Variants in ABHD2 observed in about 807,000 individuals in gnomAD.
ABHD2 encodes abhydrolase domain containing 2, acylglycerol lipase.
In ABHD2, 20 loss-of-function variants were observed where a neutral mutation model predicts 48.1. The observed-to-expected ratio is 0.42, with a 90% CI of 0.29 to 0.60. The LOEUF is 0.60. Among genes scored for constraint, ABHD2 ranks in the 20% least tolerant of loss-of-function variants. ABHD2 has a pLI of 0.24. For missense variants in ABHD2, 405 were observed against 550.9 expected, an observed-to-expected ratio of 0.74 and a Z score of 2.65; for synonymous variants, 209 against 214.2, an observed-to-expected ratio of 0.98 and a Z score of 0.21.
the ABHD2 span, among the ~76,000 whole-genome samples, chr15:89,062,212 G>C: frequency 6.6e-6 from 1 of 152,126 alleles, no homozygotes; most frequent in Non-Finnish European, 1.5e-5. Context: ...CTGATATCCA[G>C]GAAAAAGCAG....
chr15:89,181,228 CAAAAAAAAAA>C (rs61411388), intron 6 of ABHD2, among the ~76,000 whole-genome samples: 11 of 69,164 alleles, frequency 1.6e-4, no homozygotes, highest in Admixed American at 2.2e-4. Flanking sequence ...GACTCTGTCT[CAAAAAAAAAA>C]AAAAAAAAAA....
At position 89,094,502 on chromosome 15, in the gene ABHD2, G is replaced by GAT. The variant is rs2049580109; in HGVS notation, c.-107+5939_-107+5940insAT. 1 of 152,142 alleles carries GAT rather than the reference G, an allele frequency of 6.6e-6. No individual in the cohort carries two copies. The highest frequency in any genetic ancestry group is 1.5e-5 in the Non-Finnish European group (1 of 68,060). 9.4% of individuals were successfully genotyped at this position (152,142 alleles called of 1,614,324 possible). ...GCGGGCGGATCACCTGAGGTCAGGA[G>GAT]TTTGAGATCTGCCTGATCAACATGG... On this transcript the variant is annotated intron_variant, in intron 1 of 10. Transcript: ENST00000352732. The surrounding 1 kb of genome is among the most constrained non-coding windows in gnomAD (Gnocchi z 4.7).
intron 3 of ABHD2, among the ~76,000 whole-genome samples, chr15:89,150,095 C>T (rs2050566821): frequency 6.6e-6 from 1 of 152,132 alleles, no homozygotes; most frequent in African/African-American, 2.4e-5. Flanking sequence ...TTCTTTTGTT[C>T]TATTTTCTGA....
Position 89,116,621 on chromosome 15 carries a change from C to T in ABHD2, c.194+100C>T. ...TTCTCTCATCGTGTCCTTAAGGCATCAATGGGATATGACGTCACTGGTGTT... is the reference window on the plus strand; with the variant it reads ...TTCTCTCATCGTGTCCTTAAGGCATTAATGGGATATGACGTCACTGGTGTT... On this transcript the variant is annotated intron_variant, in intron 3 of 10. Coordinates refer to ENST00000352732, the MANE Select transcript of ABHD2 (RefSeq NM_152924.5). This position sits in a 1 kb window ranked among gnomAD's most constrained non-coding sequence, Gnocchi z 4.6. 4 of 1,288,304 alleles carry T rather than the reference C, an allele frequency of 3.1e-6. No individual in the cohort carries two copies. The highest frequency in any genetic ancestry group is 4.3e-6 in the Non-Finnish European group (4 of 930,388). The allele number at this position is 1,288,304 out of a possible 1,614,324, so 79.8% of individuals were successfully genotyped here.
the ABHD2 span, among the ~76,000 whole-genome samples, chr15:89,047,311 T>A: frequency 1.3e-5 from 2 of 150,738 alleles, no homozygotes; most frequent in East Asian, 3.9e-4. Flanking sequence ...AGAGCTTTAC[T>A]TCCAAGTATG....
intron 1 of ABHD2, among the ~76,000 whole-genome samples, chr15:89,096,814 C>G (rs2049620618): frequency 6.6e-6 from 1 of 152,178 alleles, no homozygotes; most frequent in African/African-American, 2.4e-5. Flanking sequence ...TACGTGCAGC[C>G]AACACTTACC....
At chr15:89,159,163 G>A (rs991274580) in intron 5 of ABHD2, among the ~76,000 whole-genome samples, 1 of 151,900 alleles carries the variant, frequency 6.6e-6, no homozygotes, top group African/African-American at 2.4e-5. Context: ...GATTACCTGA[G>A]GTCAGGAGTT....
chr15:89,041,888 C>G, the ABHD2 span, among the ~76,000 whole-genome samples: 3 of 152,100 alleles, frequency 2.0e-5, no homozygotes, highest in African/African-American at 7.2e-5. Flanking sequence ...AAGCATCTTC[C>G]CCTACCTGGA....
rs1171379784 is a variant in ABHD2, at chr15:89,104,724, A to G, written c.-106-9001A>G. Among the ~76,000 whole-genome samples, 3 of 152,200 alleles carry G rather than the reference A, an allele frequency of 2.0e-5. No individual in the cohort carries two copies. Among genetic ancestry groups the G allele is most frequent in the African/African-American group, 7.2e-5 (3 of 41,448 alleles). On this transcript the variant is annotated intron_variant, in intron 1 of 10. Coordinates refer to ENST00000352732, the MANE Select transcript of ABHD2 (RefSeq NM_152924.5). The surrounding 1 kb of genome is among the most constrained non-coding windows in gnomAD (Gnocchi z 4.4). ...TGGTTCTTCAGGCAACGGTTGTGCC[A>G]GGCACTGGGTCTTGCCCTCCCACCC...
chr15:89,170,160 A>G (rs1419766426), intron 5 of ABHD2, among the ~76,000 whole-genome samples: 2 of 124,838 alleles, frequency 1.6e-5, no homozygotes. Flanking sequence ...GTAGTGGCAC[A>G]ATCTTGGCTC....
chr15:89,105,458 G>A (rs1189714973), intron 1 of ABHD2, among the ~76,000 whole-genome samples: 2 of 152,230 alleles, frequency 1.3e-5, no homozygotes, highest in African/African-American at 2.4e-5. Context: ...ATGACTTTGT[G>A]GAAGAAATAT....
chr15:89,177,819 A>G lies in ABHD2; in HGVS notation c.722+1824A>G, dbSNP rs1481503003. Among the ~76,000 whole-genome samples the G allele has an allele frequency of 2.0e-5, 3 of 152,188 alleles. No individual in the cohort carries two copies. The highest frequency in any genetic ancestry group is 7.2e-5 in the African/African-American group (3 of 41,458). On this transcript the variant is annotated intron_variant, in intron 6 of 10. Coordinates refer to ENST00000352732, the MANE Select transcript of ABHD2 (RefSeq NM_152924.5). This position sits in a 1 kb window ranked among gnomAD's most constrained non-coding sequence, Gnocchi z 5.6. ...AAGACATGAGCAAGGGGCCTACCCCAGGATCCAAGGGAGCAGAACTAGGAC... is the reference window on the plus strand; with the variant it reads ...AAGACATGAGCAAGGGGCCTACCCCGGGATCCAAGGGAGCAGAACTAGGAC...
At chr15:89,149,287 G>A (rs538934177) in intron 3 of ABHD2, among the ~76,000 whole-genome samples, 168 of 151,898 alleles carry the variant, frequency 1.1e-3, no homozygotes, top group Non-Finnish European at 2.2e-3. Context: ...TGGGGTGTTA[G>A]GTAGGCTGGA....
intron 3 of ABHD2, among the ~76,000 whole-genome samples, chr15:89,123,299 T>G (rs1173918203): frequency 1.3e-5 from 2 of 152,162 alleles, no homozygotes; most frequent in Non-Finnish European, 2.9e-5. Context: ...TTTCCCTTTT[T>G]CTCTTCACTC....
chr15:89,187,359 TA>T (rs2051227793), intron 7 of ABHD2, among the ~76,000 whole-genome samples: 2 of 152,234 alleles, frequency 1.3e-5, no homozygotes, highest in South Asian at 4.1e-4. Flanking sequence ...TTCTATCCAG[TA>T]GGTATATAAT....
At chr15:89,050,691 A>G in the ABHD2 span, among the ~76,000 whole-genome samples, 1 of 152,178 alleles carries the variant, frequency 6.6e-6, no homozygotes, top group South Asian at 2.1e-4. Flanking sequence ...GCTTTCCCTC[A>G]GATGCCAGGC....
Position 89,175,134 on chromosome 15 carries a change from A to G in ABHD2, c.539-678A>G, listed in dbSNP as rs1305872895. Among the ~76,000 whole-genome samples the G allele has an allele frequency of 2.6e-5, 4 of 152,220 alleles. No individual in the cohort carries two copies. Among genetic ancestry groups the G allele is most frequent in the Admixed American group, 2.0e-4 (3 of 15,284 alleles). Reference sequence around the variant, plus strand: ...TCCACTTGCTACTTTTCTTAACACCATGAATCATCATACACATGGGTATAG... The same window carrying G: ...TCCACTTGCTACTTTTCTTAACACCGTGAATCATCATACACATGGGTATAG... On this transcript the variant is annotated intron_variant, in intron 5 of 10. Transcript: ENST00000352732. This position sits in a 1 kb window ranked among gnomAD's most constrained non-coding sequence, Gnocchi z 5.7.
intron 3 of ABHD2, among the ~76,000 whole-genome samples, chr15:89,133,753 T>G (rs535030776): frequency 9.2e-5 from 14 of 152,306 alleles, no homozygotes; most frequent in African/African-American, 3.1e-4. Flanking sequence ...AATTAGCCCT[T>G]TGTGATATGA....
chr15:89,081,711 C>G, the ABHD2 span, among the ~76,000 whole-genome samples: 14 of 151,970 alleles, frequency 9.2e-5, no homozygotes, highest in African/African-American at 3.4e-4. Flanking sequence ...ATTAGACAGA[C>G]GTGGTGGCGC....
Sources: allele counts gnomAD v4.1 joint callset (sites outside exome capture counted in the v4.1 genomes callset), GRCh38; gene constraint gnomAD v4.1.1; non-coding constraint Gnocchi (gnomAD v3.1); transcripts MANE v1.5; gene names NCBI Gene and HGNC (gene_info 2026-07-23, HGNC 2026-07-21).